DLGAP5: variants seen among roughly 807,000 people sequenced by gnomAD.
DLGAP5 encodes the protein disks large-associated protein 5.
A neutral mutation model predicts 99.6 loss-of-function variants in DLGAP5; 90 were observed. The observed-to-expected ratio is 0.90, with a 90% CI of 0.76 to 1.08. The LOEUF (loss-of-function observed/expected upper bound fraction) is 1.08. Among genes scored for constraint, DLGAP5 ranks in the 50% least tolerant of loss-of-function variants. The probability of loss-of-function intolerance (pLI) is 0.00; values close to 1 mark genes in which losing one functional copy is unlikely to be tolerated. For synonymous variants in DLGAP5, 311 were observed against 321.3 expected, an observed-to-expected ratio of 0.97 and a Z score of 0.34; for missense variants, 1,036 against 983.5, an observed-to-expected ratio of 1.05 and a Z score of -0.71.
intron 3 of DLGAP5, 25 bp from the exon 4 acceptor site, chr14:55,182,457 A>G: frequency 1.3e-6 from 2 of 1,553,092 alleles, no homozygotes; most frequent in Non-Finnish European, 8.6e-7. Context: ...AAGAAGATGA[A>G]CTTAAAATAT....
At chr14:55,179,314 A>G (rs74050932) in intron 7 of DLGAP5, among the ~76,000 whole-genome samples, 1 of 152,148 alleles carries the variant, frequency 6.6e-6, no homozygotes, top group African/African-American at 2.4e-5. Flanking sequence ...AAATGAATCC[A>G]AAGTCAATGC....
At chr14:55,175,693 C>T (rs1482654944) in intron 9 of DLGAP5, among the ~76,000 whole-genome samples, 1 of 152,032 alleles carries the variant, frequency 6.6e-6, no homozygotes, top group Admixed American at 6.6e-5. Flanking sequence ...CCAATATTCT[C>T]TTCAGATATC....
rs35954941 is a variant in DLGAP5 at position 55,151,806 on chromosome 14, C to G, written c.2257G>C (p.Glu753Gln). The change falls in exon 17 of 19, where the codon GAA becomes CAA. Residue 753 changes from glutamate (E) to glutamine (Q), a missense_variant. Coordinates refer to ENST00000247191, the MANE Select transcript of DLGAP5 (RefSeq NM_014750.5). ...EGISDVVEGMELNSSITSQDV... is the reference protein window; with the variant it reads ...EGISDVVEGMQLNSSITSQDV... Reference sequence around the variant, plus strand: ...TGTGATGTAATTGAAGAATTCAGTTCCATTCCTTCCACAACATCTGAAATT... The same window carrying G: ...TGTGATGTAATTGAAGAATTCAGTTGCATTCCTTCCACAACATCTGAAATT... The G allele has an allele frequency of 9.7e-3, 15,592 of 1,613,942 alleles. 127 individuals are homozygous for G. Among genetic ancestry groups the G allele is most frequent in the Middle Eastern group, 0.024 (145 of 6,058 alleles).
chr14:55,156,270 G>T (rs1882213895), intron 14 of DLGAP5, among the ~76,000 whole-genome samples: 1 of 152,080 alleles, frequency 6.6e-6, no homozygotes, highest in Non-Finnish European at 1.5e-5. Flanking sequence ...ATTCTGCACA[G>T]CAAAGCAACT....
chr14:55,172,298 G>T (rs1337128752), intron 10 of DLGAP5, among the ~76,000 whole-genome samples: 1 of 148,942 alleles, frequency 6.7e-6, no homozygotes, highest in Non-Finnish European at 1.5e-5. Context: ...GACCAGCCTG[G>T]GAAACATGGC....
Position 55,162,997 on chromosome 14 carries a change from G to T in DLGAP5, c.1627C>A (p.His543Asn). The T allele has an allele frequency of 6.3e-7, 1 of 1,591,668 alleles. No individual in the cohort carries two copies. Among genetic ancestry groups the T allele is most frequent in the East Asian group, 2.3e-5 (1 of 44,240 alleles). The change falls in exon 13 of 19, where the codon CAT (histidine) becomes AAT (asparagine). Residue 543 changes from histidine to asparagine, a missense_variant. His to Asn is a moderately conservative substitution (Grantham distance 68). Transcript: ENST00000247191. ...SGWQVNNNMN[H>N]NMNKNVFRKK... is the part of the protein sequence containing the mutation. Reference sequence around the variant, plus strand: ...CTAAAGACATTTTTGTTCATATTATGATTCATATTATTATTGACTTGCCAC... The same window carrying T: ...CTAAAGACATTTTTGTTCATATTATTATTCATATTATTATTGACTTGCCAC...
At position 55,169,430 on chromosome 14, in the gene DLGAP5, A is replaced by G; in HGVS notation, c.1517T>C (p.Leu506Pro). Residue 506 changes from leucine to proline, a missense_variant, in exon 12 of 19, where the codon CTG becomes CCG. Physicochemically the swap from Leu to Pro is moderately conservative, Grantham distance 98. Coordinates refer to ENST00000247191, the MANE Select transcript of DLGAP5 (RefSeq NM_014750.5). ...ACTAACCATATCCCAAAATCCATCC[A>G]GATCTGTACAGGTAGTCTCCTTTAT... is the stretch of plus-strand genomic sequence containing the variant. The part of the protein sequence containing the change: ...RGIKETTCTD[L>P]DGFWDMVSFQ... 6.3e-7 allele frequency: 1 copy of G among 1,577,090 alleles called. No individual in the cohort carries two copies. Among genetic ancestry groups the G allele is most frequent in the Non-Finnish European group, 8.6e-7 (1 of 1,165,192 alleles).
intron 5 of DLGAP5, 22 bp downstream of exon 5, chr14:55,181,191 T>C (rs1883261131): frequency 1.9e-6 from 3 of 1,602,834 alleles, no homozygotes; most frequent in Middle Eastern, 1.7e-4. Flanking sequence ...AGAGGATTTA[T>C]AGTAATTGCT....
At chr14:55,160,845 T>G (rs1169444170) in intron 13 of DLGAP5, among the ~76,000 whole-genome samples, 2 of 152,156 alleles carry the variant, frequency 1.3e-5, no homozygotes, top group African/African-American at 4.8e-5. Flanking sequence ...AAAACTGAAT[T>G]GCAATGAGTT....
chr14:55,176,849 G>A (rs1308309642), intron 8 of DLGAP5, among the ~76,000 whole-genome samples: 3 of 151,666 alleles, frequency 2.0e-5, no homozygotes, highest in South Asian at 2.1e-4. Context: ...GTGGTGACGG[G>A]CGCCTGTAGT....
intron 12 of DLGAP5, among the ~76,000 whole-genome samples, chr14:55,164,401 G>A (rs1276106016): frequency 6.6e-6 from 1 of 152,158 alleles, no homozygotes; most frequent in Non-Finnish European, 1.5e-5. Flanking sequence ...GCGGGGAAAA[G>A]ACAGTCTTTT....
At position 55,175,881 on chromosome 14, in the gene DLGAP5, TTAAA is replaced by T; in HGVS notation, c.1174+9_1174+12del. The T allele has an allele frequency of 1.3e-6, 2 of 1,545,546 alleles. No individual in the cohort carries two copies. Among genetic ancestry groups the T allele is most frequent in the Non-Finnish European group, 1.7e-6 (2 of 1,148,704 alleles). ...TTATTCTAAAAAATGAATAAATTAA[TTAAA>T]TACTATACCTTCATGCCAAACAGTT... On this transcript the variant is annotated intron_variant, in intron 9 of 18. Coordinates refer to ENST00000247191, the MANE Select transcript of DLGAP5 (RefSeq NM_014750.5).
chr14:55,181,251 T>C lies in DLGAP5; in HGVS notation c.542A>G (p.Gln181Arg). The part of the protein sequence containing the change: ...DVRAIRPGPR[Q>R]TSEKKVSDKE... ...GTCTGACACTTTCTTTTCAGAAGTT[T>C]GTCTTGGACCAGGTCGGATTGCTCG... Residue 181 changes from glutamine (Q) to arginine (R), a missense_variant, in exon 5 of 19, where the codon CAA becomes CGA. Transcript: ENST00000247191. The C allele has an allele frequency of 3.1e-6, 5 of 1,614,214 alleles. No homozygotes were observed. The South Asian group carries it at 5.5e-5, about 18-fold the overall frequency.
chr14:55,167,304 A>G (rs1882679689), intron 12 of DLGAP5, among the ~76,000 whole-genome samples: 1 of 152,126 alleles, frequency 6.6e-6, no homozygotes, highest in Admixed American at 6.5e-5. Flanking sequence ...ATACTTTTAA[A>G]TCTGCAACTA....
At chr14:55,148,553 T>C (rs754181041) in intron 18 of DLGAP5, 80 bp from the exon 19 acceptor site, 7 of 1,607,796 alleles carry the variant, frequency 4.4e-6, no homozygotes, top group Middle Eastern at 1.6e-4. Context: ...CTATAGTGGA[T>C]TAATTAATAA....
At chr14:55,171,569 C>T (rs1302171619) in intron 10 of DLGAP5, among the ~76,000 whole-genome samples, 1 of 151,984 alleles carries the variant, frequency 6.6e-6, no homozygotes, top group African/African-American at 2.4e-5. Context: ...GGCAGCTCCT[C>T]AAAAAATTAA....
intron 12 of DLGAP5, among the ~76,000 whole-genome samples, chr14:55,164,452 A>T (rs1882562136): frequency 6.6e-6 from 1 of 152,208 alleles, no homozygotes; most frequent in East Asian, 1.9e-4. Context: ...CATAAGCAAA[A>T]AGATGAATTT....
rs117046304 is a variant in DLGAP5, at chr14:55,151,116, A to G, written c.2369-268T>C. Among the ~76,000 whole-genome samples, 886 of 152,338 alleles carry G rather than the reference A, an allele frequency of 5.8e-3. 4 individuals are homozygous for G. The highest frequency in any genetic ancestry group is 9.6e-3 in the Non-Finnish European group (650 of 68,024). On this transcript the variant is annotated intron_variant, in intron 17 of 18. Transcript: ENST00000247191. ...ATGAAGAACAGCTGGAGGACATTAAATGTCTGGCCGAGGTTAAAACCTTTT... is the reference window on the plus strand; with the variant it reads ...ATGAAGAACAGCTGGAGGACATTAAGTGTCTGGCCGAGGTTAAAACCTTTT...
At chr14:55,153,850 G>C (rs913531978) in intron 15 of DLGAP5, among the ~76,000 whole-genome samples, 2 of 152,108 alleles carry the variant, frequency 1.3e-5, no homozygotes, top group Non-Finnish European at 2.9e-5. Flanking sequence ...GAGGTCAAGA[G>C]ATCAAGACCA....
Sources: allele counts gnomAD v4.1 joint callset (sites outside exome capture counted in the v4.1 genomes callset), GRCh38; gene constraint gnomAD v4.1.1; transcripts MANE v1.5; gene names NCBI Gene and HGNC (gene_info 2026-07-23, HGNC 2026-07-21).